The following BNC2 variants were observed in gnomAD, a reference collection of about 807,000 sequenced individuals.
BNC2 encodes basonuclin zinc finger protein 2.
Under a neutral mutation model 76.3 loss-of-function variants are expected in BNC2, and 20 were observed. That is an observed-to-expected ratio of 0.26 (90% confidence interval 0.18 to 0.38). BNC2 has a LOEUF of 0.38. Ranked by LOEUF, BNC2 falls within the 10% of genes least tolerant of loss-of-function variation. The probability of loss-of-function intolerance (pLI) is 1.00; values close to 1 mark genes in which losing one functional copy is unlikely to be tolerated. For missense variants in BNC2, 1,382 were observed against 1,399.8 expected (o/e 0.99, Z 0.20); for synonymous variants, 582 against 514.8 (o/e 1.13, Z -1.77).
chr9:16,852,110 T>C (rs1483558650), intron 1 of BNC2, among the ~76,000 whole-genome samples: 1 of 152,186 alleles, frequency 6.6e-6, no homozygotes, highest in African/African-American at 2.4e-5. Flanking sequence ...TAAAATAGCC[T>C]GACTACAGAG....
intron 3 of BNC2, among the ~76,000 whole-genome samples, chr9:16,660,852 T>G (rs1822091250): frequency 6.8e-6 from 1 of 148,140 alleles, no homozygotes; most frequent in Non-Finnish European, 1.5e-5. Flanking sequence ...TACTATGTAT[T>G]GTAAGTAATA....
chr9:16,709,819 T>A (rs996878414), intron 3 of BNC2, among the ~76,000 whole-genome samples: 3 of 152,122 alleles, frequency 2.0e-5, no homozygotes, highest in Admixed American at 2.0e-4. Flanking sequence ...AAGGCAAGTG[T>A]GTTAAAATTT....
At chr9:16,796,529 G>A (rs753622912) in intron 1 of BNC2, among the ~76,000 whole-genome samples, 4 of 146,510 alleles carry the variant, frequency 2.7e-5, no homozygotes, top group Non-Finnish European at 5.9e-5. Context: ...CCGAGATCAC[G>A]TCAATGCACT....
At chr9:16,679,379 G>A (rs919049448) in intron 3 of BNC2, among the ~76,000 whole-genome samples, 1 of 152,090 alleles carries the variant, frequency 6.6e-6, no homozygotes, top group Non-Finnish European at 1.5e-5. Flanking sequence ...CGATGTCATC[G>A]CTATACAGCA....
intron 5 of BNC2, among the ~76,000 whole-genome samples, chr9:16,478,812 A>G (rs140900174): frequency 6.6e-6 from 1 of 152,320 alleles, no homozygotes; most frequent in Admixed American, 6.5e-5. Context: ...TGAAGTAACT[A>G]TTTTGTGGCT....
intron 3 of BNC2, among the ~76,000 whole-genome samples, chr9:16,689,672 A>G (rs1047487424): frequency 6.6e-6 from 1 of 152,120 alleles, no homozygotes; most frequent in African/African-American, 2.4e-5. Flanking sequence ...GGAGAGAGAT[A>G]AACAGAAATA....
At chr9:16,584,463 T>G (rs1819715097) in intron 3 of BNC2, among the ~76,000 whole-genome samples, 1 of 152,196 alleles carries the variant, frequency 6.6e-6, no homozygotes, top group African/African-American at 2.4e-5. Flanking sequence ...ATATTAAATC[T>G]ATGGATCCCT....
At chr9:16,643,739 C>T (rs1821552117) in intron 3 of BNC2, among the ~76,000 whole-genome samples, 1 of 152,112 alleles carries the variant, frequency 6.6e-6, no homozygotes, top group South Asian at 2.1e-4. Flanking sequence ...ATTCAAAAAT[C>T]ATTTTTAGCT....
chr9:16,585,467 T>C (rs76229000), intron 3 of BNC2, among the ~76,000 whole-genome samples: 2,884 of 152,290 alleles, frequency 0.019, 102 homozygotes, highest in African/African-American at 0.064. Context: ...TATCTATGAA[T>C]TCCAGAAGGT....
chr9:16,697,278 A>C (rs1472841252), intron 3 of BNC2, among the ~76,000 whole-genome samples: 2 of 152,160 alleles, frequency 1.3e-5, no homozygotes, highest in African/African-American at 4.8e-5. Flanking sequence ...GAATCGCTTG[A>C]ACCAGGTAGT....
chr9:16,847,401 C>G (rs12003786), intron 1 of BNC2, among the ~76,000 whole-genome samples: 667 of 9,556 alleles, frequency 0.07, 44 homozygotes, highest in Non-Finnish European at 0.11. Context: ...TTTCTCGGGG[C>G]GGGGGGGGGG....
chr9:16,499,638 T>G (rs1822477157), intron 5 of BNC2, among the ~76,000 whole-genome samples: 1 of 151,206 alleles, frequency 6.6e-6, no homozygotes, highest in South Asian at 2.1e-4. Context: ...CAAGCAATTC[T>G]CGTGCCTCAG....
intron 1 of BNC2, among the ~76,000 whole-genome samples, chr9:16,862,753 A>C (rs1165995054): frequency 6.6e-6 from 1 of 152,110 alleles, no homozygotes; most frequent in Non-Finnish European, 1.5e-5. Flanking sequence ...CATCTTCACA[A>C]GTCCCTCTTT....
At chr9:16,513,680 G>T (rs1278553217) in intron 5 of BNC2, among the ~76,000 whole-genome samples, 2 of 152,168 alleles carry the variant, frequency 1.3e-5, no homozygotes, top group Admixed American at 1.3e-4. Flanking sequence ...AAGAAAACTA[G>T]ACTCTTCTTT....
chr9:16,728,442 C>T (rs1164824988), intron 2 of BNC2, among the ~76,000 whole-genome samples: 1 of 152,116 alleles, frequency 6.6e-6, no homozygotes, highest in Non-Finnish European at 1.5e-5. Flanking sequence ...AAGCTAGGGC[C>T]CTTCCCCGGG....
intron 5 of BNC2, among the ~76,000 whole-genome samples, chr9:16,454,675 T>A (rs1029159068): frequency 6.6e-6 from 1 of 152,208 alleles, no homozygotes; most frequent in Non-Finnish European, 1.5e-5. Flanking sequence ...TTCTGTAAAC[T>A]CAACTACCTT....
At chr9:16,494,823 C>T (rs1248047458) in intron 5 of BNC2, among the ~76,000 whole-genome samples, 3 of 151,870 alleles carry the variant, frequency 2.0e-5, no homozygotes, top group Non-Finnish European at 2.9e-5. Context: ...CACAGCAGGG[C>T]CTGTTGTGGG....
At chr9:16,499,450 T>G (rs542027513) in intron 5 of BNC2, among the ~76,000 whole-genome samples, 3 of 152,000 alleles carry the variant, frequency 2.0e-5, no homozygotes, top group Non-Finnish European at 4.4e-5. Flanking sequence ...ATTCTTCCTC[T>G]GGTGTATCTC....
At chr9:16,609,922 G>T (rs528624249) in intron 3 of BNC2, among the ~76,000 whole-genome samples, 1 of 152,008 alleles carries the variant, frequency 6.6e-6, no homozygotes, top group Non-Finnish European at 1.5e-5. Flanking sequence ...GAAGAAACAG[G>T]TTTGGCTTTG....
Sources: allele counts gnomAD v4.1 joint callset (sites outside exome capture counted in the v4.1 genomes callset), GRCh38; gene constraint gnomAD v4.1.1; transcripts MANE v1.5; gene names NCBI Gene and HGNC (gene_info 2026-07-23, HGNC 2026-07-21).